Variants in KCNH8 observed in about 807,000 individuals in gnomAD.
KCNH8 encodes the protein potassium voltage-gated channel subfamily H member 8, also known as voltage-gated delayed rectifier potassium channel KCNH8.
KCNH8 carries 70 observed loss-of-function variants against 103.6 expected under a neutral mutation model. The observed-to-expected ratio is 0.68, with a 90% CI of 0.56 to 0.82. The LOEUF (loss-of-function observed/expected upper bound fraction) is 0.82, where lower values mean the gene tolerates loss of function less well. KCNH8 is among the 40% of genes least tolerant of loss of function. The probability of loss-of-function intolerance (pLI) is 0.00; values close to 1 mark genes in which losing one functional copy is unlikely to be tolerated. For missense variants in KCNH8, 1,217 were observed against 1,329.9 expected (o/e 0.92, Z 1.32); for synonymous variants, 498 against 489.4 (o/e 1.02, Z -0.23).
At chr3:19,174,095 C>T (rs2063374983) in intron 1 of KCNH8, among the ~76,000 whole-genome samples, 1 of 151,754 alleles carries the variant, frequency 6.6e-6, no homozygotes, top group African/African-American at 2.4e-5. Context: ...TCTTTTGTCT[C>T]CTGTACTGAT....
chr3:19,336,423 T>G (rs1438044273), intron 3 of KCNH8, among the ~76,000 whole-genome samples: 2 of 151,906 alleles, frequency 1.3e-5, no homozygotes, highest in Non-Finnish European at 2.9e-5. Context: ...AAATTGCCTT[T>G]GCAGAACAAA....
At chr3:19,436,005 TA>T (rs2067193759) in intron 7 of KCNH8, among the ~76,000 whole-genome samples, 1 of 152,302 alleles carries the variant, frequency 6.6e-6, no homozygotes, top group African/African-American at 2.4e-5. Flanking sequence ...TAAAAGTATG[TA>T]ATTAAGCAAA....
intron 11 of KCNH8, among the ~76,000 whole-genome samples, chr3:19,480,456 C>A (rs1203591940): frequency 3.3e-5 from 5 of 152,162 alleles, no homozygotes; most frequent in Non-Finnish European, 5.9e-5. Context: ...CAAAGGACTA[C>A]CTTCCCAACT....
intron 8 of KCNH8, among the ~76,000 whole-genome samples, chr3:19,440,710 A>G (rs1300931616): frequency 2.0e-5 from 3 of 152,148 alleles, no homozygotes; most frequent in Admixed American, 2.0e-4. Context: ...GTGTATAACC[A>G]AATACTTACT....
At chr3:19,150,824 A>G (rs891949904) in intron 1 of KCNH8, among the ~76,000 whole-genome samples, 4 of 152,198 alleles carry the variant, frequency 2.6e-5, no homozygotes, top group Admixed American at 6.5e-5. Flanking sequence ...GCTCCACAGC[A>G]TCTGGGGGAT....
At chr3:19,298,041 A>G (rs2065017705) in intron 3 of KCNH8, among the ~76,000 whole-genome samples, 3 of 152,228 alleles carry the variant, frequency 2.0e-5, no homozygotes, top group Admixed American at 2.0e-4. Flanking sequence ...GTACATCACC[A>G]TTGGAGTCAA....
At chr3:19,159,686 A>C (rs4552380) in intron 1 of KCNH8, among the ~76,000 whole-genome samples, 8,770 of 152,166 alleles carry the variant, frequency 0.058, 817 homozygotes, top group African/African-American at 0.19. Flanking sequence ...AGATGCCCAG[A>C]AATATCACAT....
rs185334020 is a variant in KCNH8 at position 19,368,186 on chromosome 3, A to G, written c.811+20221A>G. The stretch of plus-strand genomic sequence containing the variant: ...TGCCATGCTTTGGGTTATGAAAAGC[A>G]TATTGAAGAAGTTGAAGACACTCTC... On this transcript the variant is annotated intron_variant, in intron 5 of 15. Coordinates refer to ENST00000328405, the MANE Select transcript of KCNH8 (RefSeq NM_144633.3). Among the ~76,000 whole-genome samples, 561 of 152,160 alleles carry G rather than the reference A, an allele frequency of 3.7e-3. 7 individuals carry two copies. Among genetic ancestry groups the G allele is most frequent in the African/African-American group, 0.013 (528 of 41,550 alleles).
At chr3:19,236,207 T>G (rs2064062656) in intron 1 of KCNH8, among the ~76,000 whole-genome samples, 1 of 152,204 alleles carries the variant, frequency 6.6e-6, no homozygotes, top group African/African-American at 2.4e-5. Flanking sequence ...ATTGAAGTTG[T>G]TAGTCTCTCT....
intron 3 of KCNH8, among the ~76,000 whole-genome samples, chr3:19,308,650 G>GTCTC (rs1163604706): frequency 1.9e-5 from 1 of 51,368 alleles, no homozygotes; most frequent in Non-Finnish European, 3.6e-5. Context: ...GAATGTTGGG[G>GTCTC]TCTCTCTCTC....
At chr3:19,398,144 T>G (rs1305427837) in intron 7 of KCNH8, among the ~76,000 whole-genome samples, 1 of 152,000 alleles carries the variant, frequency 6.6e-6, no homozygotes, top group Admixed American at 6.6e-5. Context: ...TATTGTTAAT[T>G]CCATAAAATG....
chr3:19,496,330 T>A (rs905328341), intron 11 of KCNH8, among the ~76,000 whole-genome samples: 2 of 152,218 alleles, frequency 1.3e-5, no homozygotes, highest in African/African-American at 4.8e-5. Flanking sequence ...GGCTGTGGAT[T>A]TGTTATAGAT....
At chr3:19,477,305 C>T (rs927904708) in intron 11 of KCNH8, among the ~76,000 whole-genome samples, 1 of 152,076 alleles carries the variant, frequency 6.6e-6, no homozygotes, top group Non-Finnish European at 1.5e-5. Flanking sequence ...TCAAAGAAAA[C>T]TTTTATTCAT....
intron 11 of KCNH8, among the ~76,000 whole-genome samples, chr3:19,479,654 G>A (rs1311737445): frequency 6.6e-6 from 1 of 152,180 alleles, no homozygotes; most frequent in Non-Finnish European, 1.5e-5. Context: ...GAGTCTACAA[G>A]AGGAAGAAAC....
intron 11 of KCNH8, 43 bp downstream of exon 11, chr3:19,457,025 G>A: frequency 7.4e-7 from 1 of 1,352,314 alleles, no homozygotes; most frequent in Non-Finnish European, 1.0e-6. Flanking sequence ...AATAACATTG[G>A]GCCTGGAGAT....
chr3:19,177,487 G>A (rs1303304452), intron 1 of KCNH8, among the ~76,000 whole-genome samples: 1 of 151,772 alleles, frequency 6.6e-6, no homozygotes, highest in Non-Finnish European at 1.5e-5. Flanking sequence ...TTGGTAGACA[G>A]CAGCCTCCCC....
chr3:19,328,824 T>G (rs1010942105), intron 3 of KCNH8, among the ~76,000 whole-genome samples: 16 of 152,172 alleles, frequency 1.1e-4, no homozygotes, highest in African/African-American at 3.6e-4. Context: ...GAATCCTATT[T>G]CTGTCATATT....
At chr3:19,498,478 G>C (rs1045903776) in intron 11 of KCNH8, among the ~76,000 whole-genome samples, 2 of 152,024 alleles carry the variant, frequency 1.3e-5, no homozygotes, top group African/African-American at 2.4e-5. Flanking sequence ...GTCTCAAAAG[G>C]ATCTTATTTC....
At chr3:19,514,473 C>T (rs2068839223) in intron 13 of KCNH8, among the ~76,000 whole-genome samples, 1 of 151,750 alleles carries the variant, frequency 6.6e-6, no homozygotes, top group Non-Finnish European at 1.5e-5. Flanking sequence ...ACAACATAAT[C>T]TTACATTTAT....
Sources: gnomAD v4.1 joint callset for allele counts (sites outside exome capture counted in the v4.1 genomes callset) on GRCh38, gnomAD v4.1.1 for gene constraint, MANE v1.5 for transcripts, NCBI Gene and HGNC (gene_info 2026-07-23, HGNC 2026-07-21) for gene names.